The following CDKL4 variants were observed in gnomAD, a reference collection of about 807,000 sequenced individuals.
CDKL4 encodes cyclin-dependent kinase-like 4.
A neutral mutation model predicts 42.0 loss-of-function variants in CDKL4; 44 were observed. The observed-to-expected ratio is 1.05, with a 90% CI of 0.82 to 1.35. The LOEUF (loss-of-function observed/expected upper bound fraction) is 1.35. CDKL4 is among the 40% of genes most tolerant of loss of function. The pLI, the probability that CDKL4 is intolerant of heterozygous loss-of-function variation, is 0.00. For missense variants in CDKL4, 393 were observed against 369.9 expected (o/e 1.06, Z -0.51); for synonymous variants, 120 against 121.6 (o/e 0.99, Z 0.09).
At chr2:39,202,288 AC>A (rs1304428352) in intron 5 of CDKL4, among the ~76,000 whole-genome samples, 5 of 151,786 alleles carry the variant, frequency 3.3e-5, no homozygotes, top group African/African-American at 1.2e-4. Context: ...AAAACAATGA[AC>A]TTTTTCAAGT....
chr2:39,233,672 T>C (rs1435052006), intron 1 of CDKL4, among the ~76,000 whole-genome samples: 1 of 151,708 alleles, frequency 6.6e-6, no homozygotes, highest in Non-Finnish European at 1.5e-5. Flanking sequence ...CATGCTATTA[T>C]TGTCAGAAAA....
chr2:39,207,186 T>C (rs1367245598), intron 4 of CDKL4, among the ~76,000 whole-genome samples: 2 of 152,040 alleles, frequency 1.3e-5, no homozygotes, highest in South Asian at 2.1e-4. Context: ...AGGAGTTTGA[T>C]ACCAGCCTGG....
At chr2:39,232,376 A>C (rs1341569953) in intron 1 of CDKL4, among the ~76,000 whole-genome samples, 1 of 152,194 alleles carries the variant, frequency 6.6e-6, no homozygotes, top group Non-Finnish European at 1.5e-5. Context: ...ATTATAACAG[A>C]GTTTCTGGAG....
chr2:39,191,050 T>C (rs186622387), intron 5 of CDKL4, among the ~76,000 whole-genome samples: 99 of 152,260 alleles, frequency 6.5e-4, no homozygotes, highest in African/African-American at 2.4e-3. Context: ...GAGGCAGAGA[T>C]TGGAGTGATG....
chr2:39,246,962 C>CT (rs781325238), upstream of CDKL4, among the ~76,000 whole-genome samples: 2 of 152,166 alleles, frequency 1.3e-5, no homozygotes, highest in African/African-American at 2.4e-5. Context: ...TCAGGCTGAT[C>CT]TTGAACTCCT....
intron 5 of CDKL4, among the ~76,000 whole-genome samples, chr2:39,201,201 A>T (rs1025688656): frequency 2.6e-5 from 4 of 152,082 alleles, no homozygotes; most frequent in African/African-American, 9.7e-5. Flanking sequence ...GCTAACAAAA[A>T]CATGAAAAAA....
At chr2:39,219,417 T>TTATG (rs1678165863) in intron 3 of CDKL4, among the ~76,000 whole-genome samples, 1 of 151,516 alleles carries the variant, frequency 6.6e-6, no homozygotes, top group South Asian at 2.1e-4. Flanking sequence ...ATTTATTTAT[T>TTATG]TATTTATTTA....
At chr2:39,213,506 CAT>C in intron 3 of CDKL4, 34 bp from the exon 4 acceptor site, 1 of 1,464,478 alleles carries the variant, frequency 6.8e-7, no homozygotes, top group Non-Finnish European at 9.6e-7. Flanking sequence ...AATGAAAACT[CAT>C]AGGATAGAGT....
At chr2:39,183,759 T>A (rs1675570583) in intron 8 of CDKL4, among the ~76,000 whole-genome samples, 1 of 152,126 alleles carries the variant, frequency 6.6e-6, no homozygotes, top group Admixed American at 6.5e-5. Flanking sequence ...ATAGGGTAGA[T>A]GGCAGCTGAG....
intron 6 of CDKL4, among the ~76,000 whole-genome samples, chr2:39,189,008 G>C (rs1229998360): frequency 6.6e-6 from 1 of 152,124 alleles, no homozygotes; most frequent in Non-Finnish European, 1.5e-5. Context: ...AACAGATCCA[G>C]GATTTAAACT....
At chr2:39,170,197 C>T in the CDKL4 span, among the ~76,000 whole-genome samples, 1 of 149,654 alleles carries the variant, frequency 6.7e-6, no homozygotes, top group African/African-American at 2.5e-5. Flanking sequence ...TTAGTCTTCT[C>T]CTAAAACAAG....
rs569044979 is a variant in CDKL4 at position 39,224,604 on chromosome 2, A to T, written c.290+1235T>A. On this transcript the variant is annotated intron_variant, in intron 3 of 9. Coordinates refer to ENST00000451199, the Ensembl canonical transcript of CDKL4. ...CTGCATCCTCCGCCTCCTGGGTTGA[A>T]GCAATCATCGTGCCTCAGCCTCCCG... Among the ~76,000 whole-genome samples the T allele has an allele frequency of 1.6e-4, 24 of 151,284 alleles. No homozygotes were observed. In the South Asian group the frequency reaches 5.0e-3, roughly 32 times the overall value.
chr2:39,232,627 C>T (rs1679140357), intron 1 of CDKL4, among the ~76,000 whole-genome samples: 1 of 152,148 alleles, frequency 6.6e-6, no homozygotes, highest in Admixed American at 6.6e-5. Context: ...GTGACTGCTG[C>T]CTAAACCTAA....
At chr2:39,171,077 A>G (rs1207085143), downstream of CDKL4, among the ~76,000 whole-genome samples, 2 of 152,108 alleles carry the variant, frequency 1.3e-5, no homozygotes, top group Admixed American at 6.5e-5. Flanking sequence ...CATCTCTACT[A>G]AAAACACAAA....
rs559756613 is a variant in CDKL4 at position 39,226,434 on chromosome 2, A to AATTATATATATTATATATATTATATATAT, written c.169-475_169-474insATATATATAATATATATAATATATATAAT. ...AAATTTACTTATTTATATTTATATA[A>AATTATATATATTATATATATTATATATAT]ATTATATATATTATATATATATTAT... On this transcript the variant is annotated intron_variant, in intron 2 of 9. Coordinates refer to ENST00000451199, the Ensembl canonical transcript of CDKL4. Among the ~76,000 whole-genome samples the AATTATATATATTATATATATTATATATAT allele has an allele frequency of 5.1e-3, 522 of 101,552 alleles. 4 individuals are homozygous for AATTATATATATTATATATATTATATATAT. The highest frequency in any genetic ancestry group is 0.016 in the African/African-American group (501 of 31,246). The allele number at this position is 101,552 out of a possible 152,430, so 66.6% of individuals were successfully genotyped here.
chr2:39,220,235 C>A (rs1206224303), intron 3 of CDKL4, among the ~76,000 whole-genome samples: 1 of 152,182 alleles, frequency 6.6e-6, no homozygotes, highest in African/African-American at 2.4e-5. Flanking sequence ...AAGTAGCCCC[C>A]AAACTTGTAC....
the CDKL4 span, among the ~76,000 whole-genome samples, chr2:39,169,751 C>G: frequency 8.5e-5 from 13 of 152,280 alleles, no homozygotes; most frequent in Admixed American, 7.8e-4. Context: ...GTCCAAACTT[C>G]CAGACCAAAT....
At chr2:39,229,341 T>C (rs1378756105) in intron 2 of CDKL4, 24 bp downstream of exon 2, 1 of 1,458,794 alleles carries the variant, frequency 6.9e-7, no homozygotes, top group Admixed American at 2.2e-5. Context: ...CATGATATTT[T>C]ACATATATAT....
Position 39,187,728 on chromosome 2 carries a change from A to C in CDKL4, c.653-19T>G. 1 of 1,533,002 alleles carries C rather than the reference A, an allele frequency of 6.5e-7. No homozygotes were observed. Among genetic ancestry groups the C allele is most frequent in the Non-Finnish European group, 9.0e-7 (1 of 1,109,282 alleles). 95.0% of individuals were successfully genotyped at this position (1,533,002 alleles called of 1,614,324 possible). A position where few individuals can be genotyped will look rare whatever the true frequency, so the allele number is the denominator to read the frequency against. On this transcript the variant is annotated intron_variant, in intron 6 of 9. Coordinates refer to ENST00000451199, the Ensembl canonical transcript of CDKL4. ...AATTTTCCTGTAAAATACAAACCAC[A>C]TAATTCATCATAAATTTGGCAAAGA...
Sources: allele counts gnomAD v4.1 joint callset (sites outside exome capture counted in the v4.1 genomes callset), GRCh38; gene constraint gnomAD v4.1.1; transcripts MANE v1.5; gene names NCBI Gene and HGNC (gene_info 2026-07-23, HGNC 2026-07-21).